The following CDH18 variants were observed in gnomAD, a reference collection of about 807,000 sequenced individuals.
CDH18 encodes the protein cadherin-18.
In CDH18, 31 loss-of-function variants were observed where a neutral mutation model predicts 67.9. The ratio of observed to expected loss-of-function variants is 0.46; its 90% confidence interval spans 0.34 to 0.62. CDH18 has a LOEUF of 0.62. Ranked by LOEUF, CDH18 falls within the 20% of genes least tolerant of loss-of-function variation. The pLI, the probability that CDH18 is intolerant of heterozygous loss-of-function variation, is 0.01. For synonymous variants in CDH18, 362 were observed against 347.2 expected, an observed-to-expected ratio of 1.04 and a Z score of -0.48; for missense variants, 890 against 975.5, an observed-to-expected ratio of 0.91 and a Z score of 1.17.
intron 5 of CDH18, among the ~76,000 whole-genome samples, chr5:19,647,646 C>T (rs1011563612): frequency 2.0e-5 from 3 of 151,486 alleles, no homozygotes; most frequent in African/African-American, 7.3e-5. Context: ...CATCTCTGCT[C>T]CCTGTGGAGC....
chr5:20,546,606 C>G (rs773463826), intron 1 of CDH18, among the ~76,000 whole-genome samples: 1 of 152,100 alleles, frequency 6.6e-6, no homozygotes, highest in Non-Finnish European at 1.5e-5. Flanking sequence ...ATAACTCACT[C>G]ACTATCACAA....
At chr5:20,372,919 G>T (rs1562011837) in intron 1 of CDH18, among the ~76,000 whole-genome samples, 1 of 152,058 alleles carries the variant, frequency 6.6e-6, no homozygotes, top group Non-Finnish European at 1.5e-5. Context: ...AAGAGATTTG[G>T]GGAAAGAAAC....
intron 5 of CDH18, among the ~76,000 whole-genome samples, chr5:19,633,107 C>A (rs1442630143): frequency 1.3e-5 from 2 of 152,292 alleles, no homozygotes; most frequent in East Asian, 3.9e-4. Context: ...AATTCCTATA[C>A]ATACTGATTT....
chr5:20,340,563 G>C (rs943321652), intron 1 of CDH18, among the ~76,000 whole-genome samples: 2 of 152,170 alleles, frequency 1.3e-5, no homozygotes, highest in African/African-American at 4.8e-5. Flanking sequence ...AAGGCTCACT[G>C]TCCCTGGAGG....
Position 19,520,689 on chromosome 5 carries a change from TATC to T in CDH18, c.1477_1479del (p.Asp493del), listed in dbSNP as rs1389800607. 2 of 1,613,046 alleles carry T rather than the reference TATC, an allele frequency of 1.2e-6. No homozygotes were observed. The highest frequency in any genetic ancestry group is 1.7e-6 in the Non-Finnish European group (2 of 1,179,424). On this transcript the variant is annotated inframe_deletion, in exon 10 of 13. Coordinates refer to ENST00000382275, the MANE Select transcript of CDH18 (RefSeq NM_004934.5). Reference sequence around the variant, plus strand: ...GGCTTAGAATTTTCACATACAATAATATCATATTCCCTGGCAAGTTCGGGTGGA... The same window carrying T: ...GGCTTAGAATTTTCACATACAATAATATATTCCCTGGCAAGTTCGGGTGGA...
intron 2 of CDH18, among the ~76,000 whole-genome samples, chr5:19,920,624 C>A (rs10078861): frequency 0.058 from 8,718 of 150,128 alleles, 890 homozygotes; most frequent in African/African-American, 0.2. Flanking sequence ...AACGATTCTC[C>A]TGCCTCATCC....
At chr5:19,504,110 C>T (rs1743699921) in intron 10 of CDH18, among the ~76,000 whole-genome samples, 1 of 152,056 alleles carries the variant, frequency 6.6e-6, no homozygotes, top group South Asian at 2.1e-4. Context: ...TCTGCGTGTT[C>T]TGAGCCCATT....
At chr5:20,101,864 G>T (rs367911646) in intron 2 of CDH18, among the ~76,000 whole-genome samples, 16 of 152,250 alleles carry the variant, frequency 1.1e-4, no homozygotes, top group Middle Eastern at 3.4e-3. Flanking sequence ...ACAAGGTCAG[G>T]AGTTCGAGGC....
chr5:20,498,515 A>G (rs1360782583), intron 1 of CDH18, among the ~76,000 whole-genome samples: 1 of 152,108 alleles, frequency 6.6e-6, no homozygotes, highest in Non-Finnish European at 1.5e-5. Context: ...CAATAAAAAG[A>G]TGACTTAAAA....
rs1244658296 is a variant in CDH18 at position 20,479,306 on chromosome 5, G to GAT, written c.-580+96154_-580+96155dup. ...CAGTGACCAATTCCAGAGTGACAGA[G>GAT]ATATATGAAATTTCTGACAGGGGAT... is the stretch of plus-strand genomic sequence containing the variant. On this transcript the variant is annotated intron_variant, in intron 1 of 14. Coordinates refer to the CDH18 transcript ENST00000507958. 1.3e-5 allele frequency among the ~76,000 whole-genome samples: 2 copies of GAT among 152,110 alleles called. 1 individual carries two copies. Among genetic ancestry groups the GAT allele is most frequent in the East Asian group, 3.9e-4 (2 of 5,172 alleles).
intron 3 of CDH18, among the ~76,000 whole-genome samples, chr5:19,794,682 A>G (rs986232627): frequency 1.3e-5 from 2 of 152,056 alleles, no homozygotes; most frequent in Admixed American, 1.3e-4. Context: ...AGTACCATTT[A>G]TTTTTTAAAA....
At chr5:20,490,249 G>C (rs978905418) in intron 1 of CDH18, among the ~76,000 whole-genome samples, 2 of 152,060 alleles carry the variant, frequency 1.3e-5, no homozygotes, top group Non-Finnish European at 1.5e-5. Flanking sequence ...AAACATTATA[G>C]TGTGTCATTT....
chr5:20,196,301 T>A (rs964673439), intron 2 of CDH18, among the ~76,000 whole-genome samples: 11 of 152,170 alleles, frequency 7.2e-5, no homozygotes, highest in African/African-American at 2.7e-4. Flanking sequence ...ATATATATAC[T>A]TTTAAAACTC....
intron 5 of CDH18, among the ~76,000 whole-genome samples, chr5:19,671,610 A>C (rs1758761554): frequency 6.6e-6 from 1 of 152,106 alleles, no homozygotes; most frequent in Non-Finnish European, 1.5e-5. Flanking sequence ...TGACATGGGA[A>C]TTTGTCAAAT....
intron 7 of CDH18, among the ~76,000 whole-genome samples, chr5:19,590,307 T>C (rs1414179286): frequency 3.9e-5 from 6 of 152,134 alleles, no homozygotes; most frequent in African/African-American, 1.2e-4. Context: ...GTGGTGATTA[T>C]TGTTCTCTAA....
chr5:20,448,044 C>T (rs1190169988), intron 1 of CDH18, among the ~76,000 whole-genome samples: 7 of 151,814 alleles, frequency 4.6e-5, no homozygotes, highest in Admixed American at 3.3e-4. Flanking sequence ...TAATGCTATC[C>T]GTCCCCTCTC....
At position 20,550,717 on chromosome 5, in the gene CDH18, G is replaced by C. The variant is rs182098474; in HGVS notation, c.-580+24745C>G. 5.3e-5 allele frequency among the ~76,000 whole-genome samples: 8 copies of C among 152,300 alleles called. No individual in the cohort carries two copies. In the East Asian group the frequency reaches 1.5e-3, roughly 29 times the overall value. ...TAGCCACTTAGAGCCCACCTGCTTT[G>C]CATGCTGTTTTAGTCCATTTAGTGT... is the stretch of plus-strand genomic sequence containing the variant. On this transcript the variant is annotated intron_variant, in intron 1 of 14. Coordinates refer to the CDH18 transcript ENST00000507958.
chr5:19,559,003 G>A (rs1424034442), intron 8 of CDH18, among the ~76,000 whole-genome samples: 1 of 151,964 alleles, frequency 6.6e-6, no homozygotes, highest in Admixed American at 6.6e-5. Flanking sequence ...GTAGCCTAGA[G>A]TTCTCTTTTG....
chr5:20,557,736 G>A (rs188154958), intron 1 of CDH18, among the ~76,000 whole-genome samples: 24 of 152,030 alleles, frequency 1.6e-4, no homozygotes, highest in East Asian at 3.9e-4. Flanking sequence ...CATCTGGTGC[G>A]TGGACCTAGA....
Sources: gnomAD v4.1 joint callset for allele counts (sites outside exome capture counted in the v4.1 genomes callset) on GRCh38, gnomAD v4.1.1 for gene constraint, MANE v1.5 for transcripts, NCBI Gene and HGNC (gene_info 2026-07-23, HGNC 2026-07-21) for gene names.